The following ASTN2 variants were observed in gnomAD, a reference collection of about 807,000 sequenced individuals.
ASTN2 encodes astrotactin 2.
In ASTN2, 54 loss-of-function variants were observed where a neutral mutation model predicts 139.8. That is an observed-to-expected ratio of 0.39 (90% confidence interval 0.31 to 0.48). ASTN2 has a LOEUF of 0.48. Ranked by LOEUF, ASTN2 falls within the 20% of genes least tolerant of loss-of-function variation. The pLI is 0.95. For missense variants in ASTN2, 1,565 were observed against 1,725.1 expected, an observed-to-expected ratio of 0.91 and a Z score of 1.64; for synonymous variants, 756 against 719.5, an observed-to-expected ratio of 1.05 and a Z score of -0.81.
intron 16 of ASTN2, among the ~76,000 whole-genome samples, chr9:116,703,336 T>G (rs1413542133): frequency 6.6e-6 from 1 of 150,894 alleles, no homozygotes; most frequent in African/African-American, 2.4e-5. Flanking sequence ...GTTTGTTTTT[T>G]TCTTGTAAAT....
At chr9:117,053,449 C>A (rs1311653868) in intron 5 of ASTN2, among the ~76,000 whole-genome samples, 1 of 145,660 alleles carries the variant, frequency 6.9e-6, no homozygotes, top group African/African-American at 2.6e-5. Flanking sequence ...GAGACCCTGT[C>A]TCTTGAAAAA....
At chr9:117,060,340 AAGAG>A (rs1240197845) in intron 5 of ASTN2, among the ~76,000 whole-genome samples, 817 of 73,994 alleles carry the variant, frequency 0.011, 41 homozygotes, top group South Asian at 0.024. Context: ...GAAAGAAAGA[AAGAG>A]AGAAAGAAAG....
At chr9:116,744,392 A>G (rs535949249) in intron 13 of ASTN2, among the ~76,000 whole-genome samples, 179 of 152,304 alleles carry the variant, frequency 1.2e-3, no homozygotes, top group African/African-American at 4.2e-3. Flanking sequence ...TAGGGTATTC[A>G]GCAGGAAAGC....
At chr9:116,523,429 GCTCA>G (rs1398096361) in intron 19 of ASTN2, among the ~76,000 whole-genome samples, 4 of 152,114 alleles carry the variant, frequency 2.6e-5, no homozygotes, top group Admixed American at 1.3e-4. Flanking sequence ...GCATTGCAGA[GCTCA>G]CTCAACCTCT....
chr9:116,473,610 A>G (rs1445053637), intron 20 of ASTN2, among the ~76,000 whole-genome samples: 1 of 152,196 alleles, frequency 6.6e-6, no homozygotes, highest in Non-Finnish European at 1.5e-5. Flanking sequence ...ATAAAGACCT[A>G]TTCAAGGCCA....
chr9:117,059,396 G>A (rs556949520), intron 5 of ASTN2, among the ~76,000 whole-genome samples: 62 of 151,962 alleles, frequency 4.1e-4, no homozygotes, highest in Non-Finnish European at 6.2e-4. Context: ...GGCGAATCAC[G>A]AGGTCAGGAG....
intron 1 of ASTN2, among the ~76,000 whole-genome samples, chr9:117,362,014 C>A (rs549649963): frequency 6.6e-6 from 1 of 152,108 alleles, no homozygotes; most frequent in Non-Finnish European, 1.5e-5. Context: ...ATTCTTGTCA[C>A]CCAAGGCTGG....
chr9:117,094,769 T>C (rs1257829388), intron 5 of ASTN2, among the ~76,000 whole-genome samples: 2 of 152,194 alleles, frequency 1.3e-5, no homozygotes, highest in Non-Finnish European at 2.9e-5. Context: ...CTGACATTAA[T>C]AATGTCTGAC....
chr9:117,114,265 A>G (rs775336696), intron 4 of ASTN2, among the ~76,000 whole-genome samples: 13 of 152,068 alleles, frequency 8.5e-5, no homozygotes, highest in Non-Finnish European at 1.8e-4. Context: ...TTTTAGTCTA[A>G]TATAACTCAT....
At chr9:117,344,114 G>A (rs564320867) in intron 1 of ASTN2, among the ~76,000 whole-genome samples, 1 of 152,084 alleles carries the variant, frequency 6.6e-6, no homozygotes, top group African/African-American at 2.4e-5. Context: ...GGTGGGAAAG[G>A]AGATCTCTCC....
At chr9:117,347,657 G>A (rs962058562) in intron 1 of ASTN2, among the ~76,000 whole-genome samples, 1 of 152,140 alleles carries the variant, frequency 6.6e-6, no homozygotes, top group African/African-American at 2.4e-5. Context: ...TAAAGCAAAT[G>A]TTTTTTCTGA....
rs75491951 is a variant in ASTN2, at chr9:117,169,028, C to T, written c.1016-27550G>A. On this transcript the variant is annotated intron_variant, in intron 3 of 22. Coordinates refer to ENST00000313400, the MANE Select transcript of ASTN2 (RefSeq NM_001365068.1). Reference sequence around the variant, plus strand: ...CTCAGCTGTAACATGGGGATAATAGCGCTTACCTGAAAAACTGAGACAATT... The same window carrying T: ...CTCAGCTGTAACATGGGGATAATAGTGCTTACCTGAAAAACTGAGACAATT... Among the ~76,000 whole-genome samples, 444 of 152,122 alleles carry T rather than the reference C, an allele frequency of 2.9e-3. 6 individuals carry two copies. In the East Asian group the frequency reaches 0.045, roughly 16 times the overall value.
chr9:116,852,919 G>T (rs981232367), intron 11 of ASTN2, among the ~76,000 whole-genome samples: 1 of 84,002 alleles, frequency 1.2e-5, no homozygotes, highest in Admixed American at 1.0e-4. Context: ...ACACACACAC[G>T]GTTAAGATCA....
chr9:117,178,974 C>T (rs1830987425), intron 3 of ASTN2, among the ~76,000 whole-genome samples: 1 of 152,192 alleles, frequency 6.6e-6, no homozygotes. Flanking sequence ...CTCCTTTCTT[C>T]CTTTATTCTT....
intron 11 of ASTN2, among the ~76,000 whole-genome samples, chr9:116,832,940 T>TTTTTTTTTTTTATTTATTTA (rs1554752212): frequency 6.7e-6 from 1 of 149,822 alleles, no homozygotes; most frequent in Non-Finnish European, 1.5e-5. Context: ...TTTTGTTTTG[T>TTTTTTTTTTTTATTTATTTA]TTTATTTATT....
intron 17 of ASTN2, among the ~76,000 whole-genome samples, chr9:116,640,228 G>A (rs1289979688): frequency 2.8e-4 from 42 of 152,050 alleles, no homozygotes. Context: ...GGTTGGGTTG[G>A]ATGCTTCTAT....
chr9:116,814,037 A>AG (rs1226529346), intron 12 of ASTN2, among the ~76,000 whole-genome samples: 1 of 142,394 alleles, frequency 7.0e-6, no homozygotes, highest in African/African-American at 2.8e-5. Flanking sequence ...CTCTGTCTCA[A>AG]GAAAAAAAAA....
At chr9:116,948,150 C>T (rs1288843515) in intron 10 of ASTN2, among the ~76,000 whole-genome samples, 1 of 152,178 alleles carries the variant, frequency 6.6e-6, no homozygotes, top group Non-Finnish European at 1.5e-5. Context: ...GAGGGTGATA[C>T]TCACTTTGTT....
At chr9:116,683,877 T>C (rs1302906821) in intron 16 of ASTN2, among the ~76,000 whole-genome samples, 1 of 152,204 alleles carries the variant, frequency 6.6e-6, no homozygotes, top group Non-Finnish European at 1.5e-5. Context: ...TTGATTATTT[T>C]ACCAAGGCTT....
Sources: allele counts gnomAD v4.1 joint callset (sites outside exome capture counted in the v4.1 genomes callset), GRCh38; gene constraint gnomAD v4.1.1; transcripts MANE v1.5; gene names NCBI Gene and HGNC (gene_info 2026-07-23, HGNC 2026-07-21).